The following NRAP variants were observed in gnomAD, a reference collection of about 807,000 sequenced individuals.
NRAP encodes nebulin related anchoring protein.
NRAP carries 189 observed loss-of-function variants against 225.9 expected under a neutral mutation model. The ratio of observed to expected loss-of-function variants is 0.84; its 90% CI spans 0.74 to 0.94. NRAP has a LOEUF of 0.94. NRAP is among the 40% of genes least tolerant of loss of function. The probability of loss-of-function intolerance (pLI) is 0.00; values close to 1 mark genes in which losing one functional copy is unlikely to be tolerated. For missense variants in NRAP, 2,176 were observed against 2,168.7 expected (o/e 1.00, Z -0.07); for synonymous variants, 769 against 790.7 (o/e 0.97, Z 0.46).
At chr10:113,593,052 ATT>A (rs572340505) in intron 38 of NRAP, among the ~76,000 whole-genome samples, 1 of 151,300 alleles carries the variant, frequency 6.6e-6, no homozygotes, top group African/African-American at 2.4e-5. Context: ...TGTAGCTAAT[ATT>A]TTTTTTTCAA....
intron 15 of NRAP, 58 bp downstream of exon 15, chr10:113,634,054 G>T: frequency 1.9e-6 from 2 of 1,067,464 alleles, no homozygotes; most frequent in Non-Finnish European, 2.9e-6. Flanking sequence ...ATGTCCAGAG[G>T]CCTCAAAGCA....
In NRAP at chr10:113,633,113, C is replaced by A; in HGVS notation, c.1603G>T (p.Ala535Ser). Residue 535 changes from alanine to serine, a missense_variant, in exon 16 of 42, where the codon GCC becomes TCC. Coordinates refer to ENST00000359988, the MANE Select transcript of NRAP (RefSeq NM_198060.4). ...CTGAAGAGTTTGGCATTGGTTTTGGCCTTCACCAGCTGAGGAACATCCTGG... is the reference window on the plus strand; with the variant it reads ...CTGAAGAGTTTGGCATTGGTTTTGGACTTCACCAGCTGAGGAACATCCTGG... ...LPQDVPQLVK[A>S]KTNAKLFSEV... 1 of 1,605,370 alleles carries A rather than the reference C, an allele frequency of 6.2e-7. No individual in the cohort carries two copies. The highest frequency in any genetic ancestry group is 8.5e-7 in the Non-Finnish European group (1 of 1,172,094).
At chr10:113,630,185 T>A (rs1848503021) in intron 18 of NRAP, among the ~76,000 whole-genome samples, 1 of 152,244 alleles carries the variant, frequency 6.6e-6, no homozygotes, top group African/African-American at 2.4e-5. Flanking sequence ...GTCACCTCTC[T>A]AAGGACTTGT....
At chr10:113,637,971 G>A (rs954396794) in intron 14 of NRAP, among the ~76,000 whole-genome samples, 5 of 151,962 alleles carry the variant, frequency 3.3e-5, no homozygotes, top group Non-Finnish European at 7.4e-5. Context: ...GATTCAAGGA[G>A]AAAAGTTTTT....
At chr10:113,653,297 C>A (rs1247102453) in intron 5 of NRAP, among the ~76,000 whole-genome samples, 1 of 152,202 alleles carries the variant, frequency 6.6e-6, no homozygotes, top group Admixed American at 6.5e-5. Flanking sequence ...AACTCAAGGG[C>A]TGCCCTTTGG....
At position 113,620,607 on chromosome 10, in the gene NRAP, G is replaced by A. The variant is rs755622785; in HGVS notation, c.2871C>T (p.Ser957=). 8.1e-6 allele frequency: 13 copies of A among 1,600,608 alleles called. No individual in the cohort carries two copies. The highest frequency in any genetic ancestry group is 1.7e-4 in the Middle Eastern group (1 of 6,042). The change falls in exon 25 of 42, where the codon AGC becomes AGT. Residue 957 remains serine, a synonymous_variant. Coordinates refer to ENST00000359988, the MANE Select transcript of NRAP (RefSeq NM_198060.4). Reference sequence around the variant, plus strand: ...ACAGGCTGTCAGGAAATCTCACCTCGCTAATGAGTTCTCCTGCCTTCTTCG... The same window carrying A: ...ACAGGCTGTCAGGAAATCTCACCTCACTAATGAGTTCTCCTGCCTTCTTCG... ...EQAKKAGELI[S]EKKYRQHPDA...
intron 3 of NRAP, 148 bp from the exon 4 acceptor site, chr10:113,657,722 T>C: frequency 1.6e-6 from 1 of 640,720 alleles, no homozygotes; most frequent in South Asian, 1.8e-5. Context: ...GTGCTGTCAG[T>C]CTCCCTGTGG....
intron 3 of NRAP, among the ~76,000 whole-genome samples, chr10:113,661,553 A>C (rs1210158574): frequency 2.0e-5 from 3 of 152,188 alleles, no homozygotes; most frequent in Non-Finnish European, 2.9e-5. Flanking sequence ...TTCTAATTTT[A>C]GAAAGCCACT....
intron 36 of NRAP, 78 bp downstream of exon 36, chr10:113,597,891 C>T: frequency 9.2e-7 from 1 of 1,082,212 alleles, no homozygotes; most frequent in Non-Finnish European, 1.4e-6. Context: ...GGGTTCTCCA[C>T]TCCATAAACA....
At chr10:113,597,689 C>A (rs1210794523) in intron 36 of NRAP, among the ~76,000 whole-genome samples, 1 of 152,180 alleles carries the variant, frequency 6.6e-6, no homozygotes, top group South Asian at 2.1e-4. Flanking sequence ...AATTCCTCCT[C>A]CTCTCCATAC....
chr10:113,612,983 G>C (rs1206078870), intron 29 of NRAP, among the ~76,000 whole-genome samples: 1 of 152,178 alleles, frequency 6.6e-6, no homozygotes, highest in Non-Finnish European at 1.5e-5. Flanking sequence ...CCCTGGGAGA[G>C]GGAGGGGAAG....
chr10:113,652,552 G>C (rs1344026432), intron 6 of NRAP, among the ~76,000 whole-genome samples: 1 of 151,316 alleles, frequency 6.6e-6, no homozygotes, highest in East Asian at 1.9e-4. Context: ...GCTGAGGCAG[G>C]AGAATCACTT....
At chr10:113,631,416 A>G (rs1479100620) in intron 18 of NRAP, 93 bp downstream of exon 18, 1 of 690,818 alleles carries the variant, frequency 1.4e-6, no homozygotes, top group African/African-American at 1.8e-5. Flanking sequence ...GAAGTCAATA[A>G]AAAGGTTACA....
chr10:113,629,930 C>A lies in NRAP; in HGVS notation c.1843-145G>T, dbSNP rs754519517. Reference sequence around the variant, plus strand: ...ACTGCCACCCTTCTGTCAGAAAGGCCCAAGTCCTGGCTCTGAAAGGCAGCA... The same window carrying A: ...ACTGCCACCCTTCTGTCAGAAAGGCACAAGTCCTGGCTCTGAAAGGCAGCA... On this transcript the variant is annotated intron_variant, in intron 18 of 41. Transcript: ENST00000359988. 1.9e-5 allele frequency: 12 copies of A among 628,072 alleles called. No individual in the cohort carries two copies. The South Asian group carries it at 2.3e-4, about 12-fold the overall frequency. 38.9% of individuals were successfully genotyped at this position (628,072 alleles called of 1,614,324 possible).
intron 10 of NRAP, 149 bp downstream of exon 10, chr10:113,646,774 C>A: frequency 1.5e-6 from 1 of 653,028 alleles, no homozygotes; most frequent in Admixed American, 2.3e-5. Context: ...CCAAAGCAGG[C>A]ATCATAAATT....
At chr10:113,598,979 T>G (rs1349167987) in intron 35 of NRAP, among the ~76,000 whole-genome samples, 1 of 152,212 alleles carries the variant, frequency 6.6e-6, no homozygotes, top group Non-Finnish European at 1.5e-5. Context: ...TGCCCACCAT[T>G]ACCTACAACG....
rs183026435 is a variant in NRAP, at chr10:113,627,241, G to A, written c.2146-1096C>T. Among the ~76,000 whole-genome samples, 9 of 152,342 alleles carry A rather than the reference G, an allele frequency of 5.9e-5. No homozygotes were observed. In the East Asian group the frequency reaches 1.7e-3, roughly 29 times the overall value. The stretch of plus-strand genomic sequence containing the variant: ...CTCCTTCACCACATAACTGAAGGGA[G>A]TCACATTACCCCGCCATTGTTGGAA... On this transcript the variant is annotated intron_variant, in intron 20 of 41. Transcript: ENST00000359988.
In NRAP at chr10:113,604,704, C is replaced by T. The variant is rs766526192; in HGVS notation, c.4132G>A (p.Asp1378Asn). 12 of 1,614,060 alleles carry T rather than the reference C, an allele frequency of 7.4e-6. No individual in the cohort carries two copies. In the South Asian group the frequency reaches 7.7e-5, roughly 10 times the overall value. The change falls in exon 35 of 42, where the codon GAC (aspartate) becomes AAC (asparagine). Residue 1378 changes from aspartate (D) to asparagine (N), a missense_variant. Around this residue, in one of 3 missense-constraint regions of NRAP, gnomAD observed 23 missense variants for 47.1 expected, o/e 0.49. Coordinates refer to ENST00000359988, the MANE Select transcript of NRAP (RefSeq NM_198060.4). ...HAKNAQALAS[D>N]HDYRTQYHKF... ...TGATACTGTGTCCTGTAGTCGTGGT[C>T]GCTGGCCAGAGCCTGGGCATTCTTG... is the stretch of plus-strand genomic sequence containing the variant.
intron 3 of NRAP, among the ~76,000 whole-genome samples, chr10:113,660,430 T>A (rs762229467): frequency 7.9e-5 from 12 of 151,960 alleles, no homozygotes; most frequent in Non-Finnish European, 1.6e-4. Context: ...CGCAAACAAA[T>A]ACACACACGC....
Sources: allele counts gnomAD v4.1 joint callset (sites outside exome capture counted in the v4.1 genomes callset), GRCh38; gene constraint gnomAD v4.1.1; regional missense constraint gnomAD v4.1.1; transcripts MANE v1.5; gene names NCBI Gene and HGNC (gene_info 2026-07-23, HGNC 2026-07-21).